The following CAMKMT variants were observed in gnomAD, a reference collection of about 807,000 sequenced individuals.
CAMKMT encodes calmodulin-lysine N-methyltransferase.
A neutral mutation model predicts 48.0 loss-of-function variants in CAMKMT; 53 were observed. The ratio of observed to expected loss-of-function variants is 1.10; its 90% CI spans 0.89 to 1.39. The LOEUF is 1.39. CAMKMT is among the 40% of genes most tolerant of loss of function. The pLI, the probability that CAMKMT is intolerant of heterozygous loss-of-function variation, is 0.00. For missense variants in CAMKMT, 428 were observed against 402.7 expected, an observed-to-expected ratio of 1.06 and a Z score of -0.54; for synonymous variants, 165 against 152.3, an observed-to-expected ratio of 1.08 and a Z score of -0.61.
intron 1 of CAMKMT, among the ~76,000 whole-genome samples, chr2:44,366,501 G>A (rs1678609058): frequency 6.6e-6 from 1 of 152,016 alleles, no homozygotes; most frequent in African/African-American, 2.4e-5. Context: ...ATCTTTTTAA[G>A]CCATCTTGAA....
intron 3 of CAMKMT, among the ~76,000 whole-genome samples, chr2:44,643,675 T>C (rs1448733494): frequency 1.3e-5 from 2 of 152,212 alleles, no homozygotes; most frequent in Admixed American, 6.5e-5. Context: ...AGAAATATTC[T>C]GTATTTTTCT....
intron 8 of CAMKMT, among the ~76,000 whole-genome samples, chr2:44,745,509 C>T (rs1248525035): frequency 6.6e-6 from 1 of 152,216 alleles, no homozygotes; most frequent in Non-Finnish European, 1.5e-5. Flanking sequence ...TTACATTACA[C>T]ACACATAACA....
intron 7 of CAMKMT, among the ~76,000 whole-genome samples, chr2:44,719,770 T>A (rs1479230515): frequency 6.6e-6 from 1 of 152,206 alleles, no homozygotes; most frequent in Non-Finnish European, 1.5e-5. Flanking sequence ...GCGCATGTAG[T>A]GTCTGTAGAC....
intron 3 of CAMKMT, among the ~76,000 whole-genome samples, chr2:44,519,317 A>G (rs1670983946): frequency 6.6e-6 from 1 of 152,246 alleles, no homozygotes; most frequent in Non-Finnish European, 1.5e-5. Flanking sequence ...CCATTGGAAC[A>G]TATTTTGAAG....
chr2:44,462,912 C>T (rs1476015084), intron 3 of CAMKMT, among the ~76,000 whole-genome samples: 2 of 152,086 alleles, frequency 1.3e-5, no homozygotes, highest in Non-Finnish European at 2.9e-5. Context: ...GATTGCATCC[C>T]CATATTGTCA....
chr2:44,649,368 C>T (rs1051082131), intron 3 of CAMKMT, among the ~76,000 whole-genome samples: 3 of 151,960 alleles, frequency 2.0e-5, no homozygotes, highest in South Asian at 2.1e-4. Context: ...TGTGCTCAGA[C>T]GGCTCTAGTC....
Position 44,576,322 on chromosome 2 carries a change from C to G in CAMKMT, c.377-127961C>G, listed in dbSNP as rs557567574. ...CAGCTTGGGCAACAAGAGTGAAACT[C>G]TGTCTAAAAAAAAAAAAAAAAAAAG... On this transcript the variant is annotated intron_variant, in intron 3 of 10. Coordinates refer to ENST00000378494, the MANE Select transcript of CAMKMT (RefSeq NM_024766.5). Among the ~76,000 whole-genome samples, 11 of 130,482 alleles carry G rather than the reference C, an allele frequency of 8.4e-5. 1 individual carries two copies. The highest frequency in any genetic ancestry group is 7.2e-4 in the Admixed American group (9 of 12,440). The allele number at this position is 130,482 out of a possible 152,430, so 85.6% of individuals were successfully genotyped here.
At chr2:44,707,161 T>G (rs1027291526) in intron 5 of CAMKMT, among the ~76,000 whole-genome samples, 2 of 151,832 alleles carry the variant, frequency 1.3e-5, no homozygotes, top group African/African-American at 4.8e-5. Context: ...GCTGTCACAA[T>G]GCAATTACCG....
At chr2:44,581,078 G>A (rs1669531444) in intron 3 of CAMKMT, among the ~76,000 whole-genome samples, 1 of 152,042 alleles carries the variant, frequency 6.6e-6, no homozygotes, top group Non-Finnish European at 1.5e-5. Flanking sequence ...TGTGGTTGTG[G>A]TTGACTACAC....
At chr2:44,526,856 C>A (rs1271534808) in intron 3 of CAMKMT, among the ~76,000 whole-genome samples, 1 of 152,048 alleles carries the variant, frequency 6.6e-6, no homozygotes, top group Non-Finnish European at 1.5e-5. Context: ...CAAATATTTT[C>A]TTTTTTATAA....
intron 3 of CAMKMT, among the ~76,000 whole-genome samples, chr2:44,641,632 A>G (rs559518385): frequency 6.6e-6 from 1 of 152,234 alleles, no homozygotes; most frequent in Admixed American, 6.5e-5. Context: ...AACTTGGCTC[A>G]CTGTAACCTC....
At chr2:44,626,027 T>A (rs1672460503) in intron 3 of CAMKMT, among the ~76,000 whole-genome samples, 1 of 152,230 alleles carries the variant, frequency 6.6e-6, no homozygotes, top group African/African-American at 2.4e-5. Context: ...AGAATCAGGT[T>A]GGCAATCTCT....
chr2:44,523,637 G>C (rs577819194), intron 3 of CAMKMT, among the ~76,000 whole-genome samples: 2 of 152,028 alleles, frequency 1.3e-5, no homozygotes, highest in African/African-American at 4.8e-5. Flanking sequence ...TCACATGTCT[G>C]GTAACTGAGC....
chr2:44,608,578 A>G (rs1462269552), intron 3 of CAMKMT, among the ~76,000 whole-genome samples: 1 of 152,140 alleles, frequency 6.6e-6, no homozygotes, highest in Non-Finnish European at 1.5e-5. Context: ...GAAACTATAT[A>G]ATGTATTATA....
chr2:44,366,335 TCTA>T (rs1355862684), intron 1 of CAMKMT, among the ~76,000 whole-genome samples: 2 of 152,238 alleles, frequency 1.3e-5, no homozygotes, highest in African/African-American at 4.8e-5. Flanking sequence ...CAGTCCTAGG[TCTA>T]CTACCACGTA....
At chr2:44,396,295 G>A (rs1473046333) in intron 3 of CAMKMT, among the ~76,000 whole-genome samples, 1 of 11,958 alleles carries the variant, frequency 8.4e-5, no homozygotes, top group East Asian at 4.2e-4. Flanking sequence ...TTCAAAAAGC[G>A]CATCAAAAAA....
At chr2:44,434,467 T>G (rs924517401) in intron 3 of CAMKMT, among the ~76,000 whole-genome samples, 28 of 152,324 alleles carry the variant, frequency 1.8e-4, no homozygotes, top group African/African-American at 6.7e-4. Context: ...TGATGTTTGA[T>G]TTCATTCTAA....
chr2:44,730,062 A>G (rs1678998412), intron 7 of CAMKMT, among the ~76,000 whole-genome samples: 1 of 152,196 alleles, frequency 6.6e-6, no homozygotes, highest in Non-Finnish European at 1.5e-5. Flanking sequence ...TTCCTTTTAG[A>G]CAAGAGGAAA....
chr2:44,394,115 A>T (rs1350359260), intron 3 of CAMKMT, among the ~76,000 whole-genome samples: 1 of 152,172 alleles, frequency 6.6e-6, no homozygotes, highest in Non-Finnish European at 1.5e-5. Context: ...CGTATAATTT[A>T]TTATAAACTA....
Sources: allele counts gnomAD v4.1 joint callset (sites outside exome capture counted in the v4.1 genomes callset), GRCh38; gene constraint gnomAD v4.1.1; transcripts MANE v1.5; gene names NCBI Gene and HGNC (gene_info 2026-07-23, HGNC 2026-07-21).